XYLB: variants seen among roughly 807,000 people sequenced by gnomAD.
The protein encoded by XYLB is xylulokinase.
Under a neutral mutation model 78.7 loss-of-function variants are expected in XYLB, and 62 were observed. The observed-to-expected ratio is 0.79, with a 90% CI of 0.64 to 0.97. The LOEUF (loss-of-function observed/expected upper bound fraction) is 0.97, where lower values mean the gene tolerates loss of function less well. Ranked by LOEUF, XYLB falls within the 50% of genes least tolerant of loss-of-function variation. XYLB has a pLI of 0.00. For synonymous variants in XYLB, 245 were observed against 247.4 expected, an observed-to-expected ratio of 0.99 and a Z score of 0.09; for missense variants, 687 against 676.8, an observed-to-expected ratio of 1.02 and a Z score of -0.17.
At chr3:38,437,596 A>G in the XYLB span, among the ~76,000 whole-genome samples, 84 of 152,360 alleles carry the variant, frequency 5.5e-4, no homozygotes, top group African/African-American at 2.0e-3. Context: ...TTGATGTACA[A>G]AAACCAGTCG....
chr3:38,449,302 T>C, the XYLB span, among the ~76,000 whole-genome samples: 1 of 152,148 alleles, frequency 6.6e-6, no homozygotes, highest in African/African-American at 2.4e-5. Flanking sequence ...TTTGTATTTT[T>C]AGTAGAGACA....
chr3:38,435,773 A>C, the XYLB span, among the ~76,000 whole-genome samples: 2 of 152,238 alleles, frequency 1.3e-5, no homozygotes, highest in African/African-American at 4.8e-5. Context: ...ATAAAACTAG[A>C]AATCAATACC....
At chr3:38,432,879 G>A in the XYLB span, among the ~76,000 whole-genome samples, 3 of 152,158 alleles carry the variant, frequency 2.0e-5, no homozygotes, top group African/African-American at 4.8e-5. Flanking sequence ...CCAGGCACAC[G>A]GTGCAAGCTG....
intron 3 of XYLB, among the ~76,000 whole-genome samples, chr3:38,361,052 A>G (rs526142): frequency 2.0e-5 from 3 of 152,200 alleles, no homozygotes; most frequent in African/African-American, 4.8e-5. Context: ...AAAGAAAAAA[A>G]AGAAATACAA....
At chr3:38,365,486 A>G in intron 5 of XYLB, 122 bp from the exon 6 acceptor site, 2 of 1,509,484 alleles carry the variant, frequency 1.3e-6, no homozygotes, top group South Asian at 1.3e-5. Context: ...TGTGTCTCCA[A>G]CCAAGGTCAC....
intron 2 of XYLB, chr3:38,355,693 ACCT>A (rs764003091): frequency 1.4e-6 from 1 of 702,824 alleles, no homozygotes; most frequent in South Asian, 1.5e-5. Flanking sequence ...GTCCATCAAA[ACCT>A]CCTTCTCTGA....
intron 2 of XYLB, among the ~76,000 whole-genome samples, chr3:38,358,655 T>G (rs1705808840): frequency 6.6e-6 from 1 of 152,114 alleles, no homozygotes; most frequent in Non-Finnish European, 1.5e-5. Flanking sequence ...AAATGCCAGT[T>G]TTAAGTTGTT....
At chr3:38,379,813 C>T (rs541396020) in intron 15 of XYLB, among the ~76,000 whole-genome samples, 4 of 152,288 alleles carry the variant, frequency 2.6e-5, no homozygotes, top group African/African-American at 2.4e-5. Flanking sequence ...TGTCAAAACT[C>T]GGAAGACTGA....
At chr3:38,396,596 CA>C (rs899777060) in intron 16 of XYLB, among the ~76,000 whole-genome samples, 4 of 152,188 alleles carry the variant, frequency 2.6e-5, no homozygotes, top group Non-Finnish European at 5.9e-5. Context: ...AGACCTCCCC[CA>C]AGTTCTTTCC....
intron 18 of XYLB, among the ~76,000 whole-genome samples, chr3:38,407,262 A>C (rs1446430463): frequency 6.7e-6 from 1 of 150,314 alleles, no homozygotes; most frequent in East Asian, 1.9e-4. Context: ...TTCAACCCAG[A>C]ATTTCATATC....
the XYLB span, among the ~76,000 whole-genome samples, chr3:38,438,688 G>T: frequency 6.6e-6 from 1 of 152,306 alleles, no homozygotes; most frequent in Middle Eastern, 3.4e-3. Context: ...GATTTATTGT[G>T]AAGAGCAAAA....
chr3:38,398,327 G>A (rs1707974610), intron 17 of XYLB, among the ~76,000 whole-genome samples: 1 of 151,614 alleles, frequency 6.6e-6, no homozygotes, highest in Non-Finnish European at 1.5e-5. Context: ...AATTAGCTGG[G>A]CATAGTGGCA....
In XYLB at chr3:38,381,805, A is replaced by G. The variant is rs752249676; in HGVS notation, c.1291+2463A>G. The stretch of plus-strand genomic sequence containing the variant: ...CCTGTCTCCTGATAAGATGTTACCA[A>G]TGACAATGGTGCCCGAAACTTCATT... On this transcript the variant is annotated intron_variant, in intron 15 of 18. Transcript: ENST00000207870. Among the ~76,000 whole-genome samples, 4 of 152,308 alleles carry G rather than the reference A, an allele frequency of 2.6e-5. No individual in the cohort carries two copies. In the East Asian group the frequency reaches 7.7e-4, roughly 29 times the overall value.
At chr3:38,369,692 G>C (rs2125590008) in intron 8 of XYLB, among the ~76,000 whole-genome samples, 1 of 152,324 alleles carries the variant, frequency 6.6e-6, no homozygotes, top group Middle Eastern at 3.4e-3. Context: ...AGTTAGATGA[G>C]ATTGAGAAAT....
chr3:38,365,582 G>T lies in XYLB; in HGVS notation c.379-26G>T, dbSNP rs372382432. ...CTCCAAGTCAGCGGATGGAGCTTAA[G>T]CCTGTGCCTTTGCCCTCCTTCCCAG... On this transcript the variant is annotated intron_variant, in intron 5 of 18. Coordinates refer to ENST00000207870, the MANE Select transcript of XYLB (RefSeq NM_005108.4). 1.9e-5 allele frequency: 30 copies of T among 1,598,284 alleles called. No individual in the cohort carries two copies. The African/African-American group carries it at 3.7e-4, about 20-fold the overall frequency.
At chr3:38,434,513 A>G in the XYLB span, among the ~76,000 whole-genome samples, 1 of 152,258 alleles carries the variant, frequency 6.6e-6, no homozygotes, top group Non-Finnish European at 1.5e-5. Context: ...TTCCCAAATA[A>G]GCAAATGCTG....
the XYLB span, among the ~76,000 whole-genome samples, chr3:38,433,789 G>A: frequency 0.031 from 4,687 of 152,062 alleles, 88 homozygotes; most frequent in Non-Finnish European, 0.041. Context: ...CCACATTTTC[G>A]TGTCTGCAAA....
At chr3:38,379,373 G>A (rs1334931541) in intron 15 of XYLB, 31 bp downstream of exon 15, 2 of 1,610,948 alleles carry the variant, frequency 1.2e-6, no homozygotes, top group East Asian at 2.2e-5. Context: ...ATGTGTCCCG[G>A]GGTGGGGGCT....
At chr3:38,406,027 G>C (rs1019798272) in intron 18 of XYLB, among the ~76,000 whole-genome samples, 5 of 152,248 alleles carry the variant, frequency 3.3e-5, no homozygotes, top group African/African-American at 9.6e-5. Context: ...GCTTTGAAGA[G>C]AGCAGTGGTT....
Sources: allele counts gnomAD v4.1 joint callset (sites outside exome capture counted in the v4.1 genomes callset), GRCh38; gene constraint gnomAD v4.1.1; transcripts MANE v1.5; gene names NCBI Gene and HGNC (gene_info 2026-07-23, HGNC 2026-07-21).